OR5AU1: variants seen among roughly 807,000 people sequenced by gnomAD.
The protein encoded by OR5AU1 is olfactory receptor family 5 subfamily AU member 1, also known as olfactory receptor 5AU1.
For synonymous variants in OR5AU1, 169 were observed against 152.0 expected, an observed-to-expected ratio of 1.11 and a Z score of -0.82; for missense variants, 415 against 374.2, an observed-to-expected ratio of 1.11 and a Z score of -0.90.
At position 21,154,940 on chromosome 14, in the gene OR5AU1, T is replaced by C; in HGVS notation, c.933A>G (p.Glu311=). The change falls in exon 1 of 1, where the codon GAA becomes GAG. Residue 311 remains glutamate, a synonymous_variant. Coordinates refer to ENST00000304418, the MANE Select transcript of OR5AU1 (RefSeq NM_001004731.3). ...TATGTGGTAATGCATTGAGAAATCATTCCATTGTTTTCCTACCCCAAACCT... is the reference window on the plus strand; with the variant it reads ...TATGTGGTAATGCATTGAGAAATCACTCCATTGTTTTCCTACCCCAAACCT... ...LIKVWGRKTM[E] is the part of the protein sequence containing the mutation. The C allele has an allele frequency of 6.2e-7, 1 of 1,602,972 alleles. No individual in the cohort carries two copies. The highest frequency in any genetic ancestry group is 8.5e-7 in the Non-Finnish European group (1 of 1,171,428).
rs77207867 is a variant in OR5AU1 at position 21,155,561 on chromosome 14, A to C, written c.312T>G (p.Tyr104Ter). Residue 104 changes from tyrosine (Y) to a stop codon, truncating the protein, a stop_gained, in exon 1 of 1, where the codon TAT (tyrosine) becomes TAG (stop). Transcript: ENST00000304418. LOFTEE classifies it low-confidence loss of function (END_TRUNC). ...YFGCMTQMFF[Y>*]AGFATSECYL... is the part of the protein sequence containing the mutation. ...AGCACTCACTGGTGGCAAAACCCGC[A>C]TAGAAGAACATCTGAGTCATGCAGC... 1.7e-5 allele frequency: 28 copies of C among 1,614,104 alleles called. No individual in the cohort carries two copies. Among genetic ancestry groups the C allele is most frequent in the Non-Finnish European group, 2.3e-5 (27 of 1,180,044 alleles).
chr14:21,155,924 T>C lies in OR5AU1; in HGVS notation c.-52A>G. On this transcript the variant is annotated 5_prime_UTR_variant, in exon 1 of 1. Transcript: ENST00000304418. ...AAGAAGGCACCACCATAAATGAGGT[T>C]GAACACCTGGGGCTCTGACTGGGTT... The C allele has an allele frequency of 3.7e-6, 6 of 1,614,162 alleles. No homozygotes were observed. Among genetic ancestry groups the C allele is most frequent in the Non-Finnish European group, 5.1e-6 (6 of 1,180,016 alleles).
Position 21,155,541 on chromosome 14 carries a change from T to C in OR5AU1, c.332A>G (p.Glu111Gly), listed in dbSNP as rs1157551696. The change falls in exon 1 of 1, where the codon GAG becomes GGG. Residue 111 changes from glutamate to glycine, a missense_variant. Coordinates refer to ENST00000304418, the MANE Select transcript of OR5AU1 (RefSeq NM_001004731.3). The stretch of plus-strand genomic sequence containing the variant: ...GGCCATGGCAGCGATGAGATAGCAC[T>C]CACTGGTGGCAAAACCCGCATAGAA... The part of the protein sequence containing the change: ...MFFYAGFATS[E>G]CYLIAAMAYD... 6 of 1,614,130 alleles carry C rather than the reference T, an allele frequency of 3.7e-6. No individual in the cohort carries two copies. The East Asian group carries it at 1.3e-4, about 36-fold the overall frequency.
Position 21,155,278 on chromosome 14 carries a change from G to C in OR5AU1, c.595C>G (p.Leu199Val), listed in dbSNP as rs1179370033. 2 of 1,613,984 alleles carry C rather than the reference G, an allele frequency of 1.2e-6. No individual in the cohort carries two copies. The highest frequency in any genetic ancestry group is 2.7e-5 in the African/African-American group (2 of 74,916). ...CVDTSLCEIL[L>V]FIFAGFNLLS... is the part of the protein sequence containing the mutation. Reference sequence around the variant, plus strand: ...AGGTTGAAACCAGCAAAAATGAAGAGCAGGATCTCACACAGTGAGGTGTCT... The same window carrying C: ...AGGTTGAAACCAGCAAAAATGAAGACCAGGATCTCACACAGTGAGGTGTCT... The change falls in exon 1 of 1, where the codon CTC becomes GTC. Residue 199 changes from leucine (L) to valine (V), a missense_variant. Transcript: ENST00000304418.
rs140608632 is a variant in OR5AU1 at position 21,155,363 on chromosome 14, A to T, written c.510T>A (p.Gly170=). The stretch of plus-strand genomic sequence containing the variant: ...AGAAGAAGTGAGTGACGACATGAGC[A>T]CCGCAGAATTTCAGACTAAAGATAC... ...TGCIFSLKFC[G]AHVVTHFFCD... is the part of the protein sequence containing the mutation. Residue 170 remains glycine (G), a synonymous_variant, in exon 1 of 1, where the codon GGT becomes GGA. Transcript: ENST00000304418. 6.2e-7 allele frequency: 1 copy of T among 1,613,952 alleles called. No homozygotes were observed. The highest frequency in any genetic ancestry group is 1.7e-5 in the Admixed American group (1 of 59,982).
chr14:21,155,874 C>T lies in OR5AU1; in HGVS notation c.-2G>A. 1 of 1,614,136 alleles carries T rather than the reference C, an allele frequency of 6.2e-7. No individual in the cohort carries two copies. On this transcript the variant is annotated 5_prime_UTR_variant, in exon 1 of 1. Transcript: ENST00000304418. ...TTGGCTCAGGTTTGCCCCTTTCATC[C>T]TTCTCCAGTGCTCTGCGATGGAGAA...
In OR5AU1 at chr14:21,155,701, G is replaced by T; in HGVS notation, c.172C>A (p.Pro58Thr). 1 of 1,614,122 alleles carries T rather than the reference G, an allele frequency of 6.2e-7. No homozygotes were observed. Among genetic ancestry groups the T allele is most frequent in the Non-Finnish European group, 8.5e-7 (1 of 1,179,978 alleles). Residue 58 changes from proline to threonine, a missense_variant, in exon 1 of 1, where the codon CCC (proline) becomes ACC (threonine). Transcript: ENST00000304418. ...AGGCTCTTCAGGAGGGAGTACATGGGTGTGTGCAGGGTGGCACTCACATGG... is the reference window on the plus strand; with the variant it reads ...AGGCTCTTCAGGAGGGAGTACATGGTTGTGTGCAGGGTGGCACTCACATGG... ...LIHVSATLHT[P>T]MYSLLKSLSF...
chr14:21,155,513 A>C lies in OR5AU1; in HGVS notation c.360T>G (p.Tyr120Ter). The C allele has an allele frequency of 1.2e-6, 2 of 1,614,222 alleles. No homozygotes were observed. Among genetic ancestry groups the C allele is most frequent in the Non-Finnish European group, 1.7e-6 (2 of 1,180,028 alleles). Residue 120 changes from tyrosine (Y) to a stop codon, truncating the protein, a stop_gained, in exon 1 of 1, where the codon TAT becomes TAG. Coordinates refer to ENST00000304418, the MANE Select transcript of OR5AU1 (RefSeq NM_001004731.3). LOFTEE classifies it low-confidence loss of function (END_TRUNC). ...GGTTACAAATAGCGGCATAGCGGTC[A>C]TAGGCCATGGCAGCGATGAGATAGC... The part of the protein sequence containing the change: ...SECYLIAAMA[Y>*]DRYAAICNPL...
In OR5AU1 at chr14:21,155,222, G is replaced by A. The variant is rs1371968664; in HGVS notation, c.651C>T (p.Ser217=). Residue 217 remains serine (S), a synonymous_variant, in exon 1 of 1, where the codon TCC becomes TCT. Transcript: ENST00000304418. The part of the protein sequence containing the change: ...LLSCTLTILI[S]YFLILNTILK... ...GGATGGTGTTGAGAATTAAGAAGTA[G>A]GAGATCAAGATGGTGAGGGTGCAGC... 1 of 1,614,130 alleles carries A rather than the reference G, an allele frequency of 6.2e-7. No individual in the cohort carries two copies.
In OR5AU1 at chr14:21,155,391, C is replaced by T. The variant is rs779548316; in HGVS notation, c.482G>A (p.Gly161Asp). The T allele has an allele frequency of 1.9e-6, 3 of 1,614,012 alleles. No homozygotes were observed. The Admixed American group carries it at 5.0e-5, about 27-fold the overall frequency. ...GCAGAATTTCAGACTAAAGATACAG[C>T]CAGTGTGGATAAGAGAATTGAGGAA... Reference protein sequence around the residue: ...AGFLNSLIHTGCIFSLKFCGA... With the variant: ...AGFLNSLIHTDCIFSLKFCGA... The change falls in exon 1 of 1, where the codon GGC becomes GAC. Residue 161 changes from glycine to aspartate, a missense_variant. Transcript: ENST00000304418.
At position 21,155,142 on chromosome 14, in the gene OR5AU1, T is replaced by C. The variant is rs566279283; in HGVS notation, c.731A>G (p.His244Arg). ...AAAGAAGAGGCAGATGGCAGTGAGG[T>C]GGGATGCACAGGTGGAAAATGCCTT... ...RFKAFSTCAS[H>R]LTAICLFFGT... Residue 244 changes from histidine to arginine, a missense_variant, in exon 1 of 1, where the codon CAC becomes CGC. His to Arg is a conservative substitution (Grantham distance 29). Transcript: ENST00000304418. 6.2e-7 allele frequency: 1 copy of C among 1,613,742 alleles called. No homozygotes were observed. The highest frequency in any genetic ancestry group is 1.7e-5 in the Admixed American group (1 of 59,980).
chr14:21,156,014 A>G lies in OR5AU1; in HGVS notation c.-142T>C. On this transcript the variant is annotated 5_prime_UTR_variant, in exon 1 of 1. Transcript: ENST00000304418. ...TTGAGGGCATTTGGCTTTGCAGATG[A>G]AACTCTGTCATAGAGAGGATCTTTT... 1 of 1,613,370 alleles carries G rather than the reference A, an allele frequency of 6.2e-7. No homozygotes were observed. The highest frequency in any genetic ancestry group is 8.5e-7 in the Non-Finnish European group (1 of 1,179,556).
chr14:21,155,700 G>T lies in OR5AU1; in HGVS notation c.173C>A (p.Pro58His). The T allele has an allele frequency of 6.2e-7, 1 of 1,613,954 alleles. No individual in the cohort carries two copies. The highest frequency in any genetic ancestry group is 8.5e-7 in the Non-Finnish European group (1 of 1,179,902). The stretch of plus-strand genomic sequence containing the variant: ...GAGGCTCTTCAGGAGGGAGTACATG[G>T]GTGTGTGCAGGGTGGCACTCACATG... ...LIHVSATLHT[P>H]MYSLLKSLSF... The change falls in exon 1 of 1, where the codon CCC (proline) becomes CAC (histidine). Residue 58 changes from proline to histidine, a missense_variant. By Grantham distance (77) the Pro-to-His change is moderately conservative (BLOSUM62 -2). Coordinates refer to ENST00000304418, the MANE Select transcript of OR5AU1 (RefSeq NM_001004731.3).
In OR5AU1 at chr14:21,155,633, C is replaced by G; in HGVS notation, c.240G>C (p.Gln80His). 1 of 1,614,176 alleles carries G rather than the reference C, an allele frequency of 6.2e-7. No individual in the cohort carries two copies. The highest frequency in any genetic ancestry group is 8.5e-7 in the Non-Finnish European group (1 of 1,180,026). ...DFCYSSTVVP[Q>H]TLVNFLAKRK... ...TCTTGGCCAAGAAGTTCACCAGGGT[C>G]TGGGGCACAACCGTGGAGGAGTAGC... The change falls in exon 1 of 1, where the codon CAG becomes CAC. Residue 80 changes from glutamine to histidine, a missense_variant. Physicochemically the swap from Gln to His is conservative, Grantham distance 24. Transcript: ENST00000304418.
rs1335416830 is a variant in OR5AU1 at position 21,155,008 on chromosome 14, T to C, written c.865A>G (p.Met289Val). The C allele has an allele frequency of 6.2e-7, 1 of 1,614,098 alleles. No homozygotes were observed. The highest frequency in any genetic ancestry group is 8.5e-7 in the Non-Finnish European group (1 of 1,179,946). The change falls in exon 1 of 1, where the codon ATG becomes GTG. Residue 289 changes from methionine to valine, a missense_variant. By Grantham distance (21) the Met-to-Val change is conservative. Coordinates refer to ENST00000304418, the MANE Select transcript of OR5AU1 (RefSeq NM_001004731.3). ...TVVIPVLNPL[M>V]YSLRNKDVKK... ...ACATCCTTGTTTCTCAAAGAGTACA[T>C]GAGGGGGTTCAGCACTGGGATCACC...
rs45603634 is a variant in OR5AU1, at chr14:21,155,144, G to A, written c.729C>T (p.Ser243=). 6.2e-7 allele frequency: 1 copy of A among 1,613,832 alleles called. No homozygotes were observed. Among genetic ancestry groups the A allele is most frequent in the African/African-American group, 1.3e-5 (1 of 74,866 alleles). ...GRFKAFSTCA[S]HLTAICLFFG... ...AGAAGAGGCAGATGGCAGTGAGGTG[G>A]GATGCACAGGTGGAAAATGCCTTAA... The change falls in exon 1 of 1, where the codon TCC becomes TCT. Residue 243 remains serine (S), a synonymous_variant. Coordinates refer to ENST00000304418, the MANE Select transcript of OR5AU1 (RefSeq NM_001004731.3).
At position 21,155,746 on chromosome 14, in the gene OR5AU1, G is replaced by C; in HGVS notation, c.127C>G (p.Leu43Val). The C allele has an allele frequency of 1.2e-6, 2 of 1,614,128 alleles. No homozygotes were observed. Among genetic ancestry groups the C allele is most frequent in the Non-Finnish European group, 1.7e-6 (2 of 1,179,992 alleles). The stretch of plus-strand genomic sequence containing the variant: ...ACATGGATCAGGAGGAACATGACCA[G>C]GTTCCCCAGCAGAGTGGCTGTGTAC... ...GMYTATLLGN[L>V]VMFLLIHVSA... The change falls in exon 1 of 1, where the codon CTG becomes GTG. Residue 43 changes from leucine to valine, a missense_variant. By Grantham distance (32) the Leu-to-Val change is conservative (BLOSUM62 1). Coordinates refer to ENST00000304418, the MANE Select transcript of OR5AU1 (RefSeq NM_001004731.3).
rs989472477 is a variant in OR5AU1, at chr14:21,154,879, C to T, written c.*58G>A. 7.2e-6 allele frequency: 11 copies of T among 1,529,716 alleles called. 1 individual carries two copies. In the Admixed American group the frequency reaches 2.0e-4, roughly 28 times the overall value. 94.8% of individuals were successfully genotyped at this position (1,529,716 alleles called of 1,614,324 possible). On this transcript the variant is annotated 3_prime_UTR_variant, in exon 1 of 1. Transcript: ENST00000304418. Reference sequence around the variant, plus strand: ...GCATGGGAATGTGCTCAGGGTGACACCACCTAAGGTAAAAGTTCCCTTGAC... The same window carrying T: ...GCATGGGAATGTGCTCAGGGTGACATCACCTAAGGTAAAAGTTCCCTTGAC...
chr14:21,155,666 CAAG>C lies in OR5AU1; in HGVS notation c.204_206del (p.Phe68del), dbSNP rs763839581. ...CAACCGTGGAGGAGTAGCAGAAATC[CAAG>C]AAGGAGAGGCTCTTCAGGAGGGAGT... On this transcript the variant is annotated inframe_deletion, in exon 1 of 1. Coordinates refer to ENST00000304418, the MANE Select transcript of OR5AU1 (RefSeq NM_001004731.3). 3.6e-4 allele frequency: 576 copies of C among 1,614,058 alleles called. 3 individuals are homozygous for C. The highest frequency in any genetic ancestry group is 2.5e-3 in the Middle Eastern group (15 of 6,062).
Sources: allele counts gnomAD v4.1 joint callset, GRCh38; gene constraint gnomAD v4.1.1; transcripts MANE v1.5; gene names NCBI Gene and HGNC (gene_info 2026-07-23, HGNC 2026-07-21).